Variants in TIAM2 observed in about 807,000 individuals in gnomAD.
The protein encoded by TIAM2 is rho guanine nucleotide exchange factor TIAM2.
A neutral mutation model predicts 152.9 loss-of-function variants in TIAM2; 80 were observed. The observed-to-expected ratio is 0.52, with a 90% CI of 0.44 to 0.63. The LOEUF is 0.63. Among genes scored for constraint, TIAM2 ranks in the 30% least tolerant of loss-of-function variants. TIAM2 has a pLI of 0.00. For missense variants in TIAM2, 1,965 were observed against 2,120.1 expected (o/e 0.93, Z 1.44); for synonymous variants, 804 against 838.0 (o/e 0.96, Z 0.70).
intron 6 of TIAM2, among the ~76,000 whole-genome samples, chr6:155,145,462 T>C (rs947312141): frequency 1.3e-5 from 2 of 152,130 alleles, no homozygotes; most frequent in African/African-American, 4.8e-5. Context: ...ACCAGTAGGA[T>C]AATAGTGGCT....
At position 155,131,900 on chromosome 6, in the gene TIAM2, C is replaced by T. The variant is rs117247853; in HGVS notation, c.1194+1483C>T. On this transcript the variant is annotated intron_variant, in intron 4 of 26. Coordinates refer to ENST00000682666, the MANE Select transcript of TIAM2 (RefSeq NM_012454.4). ...GGCCTATATGTGTAATCTTAACCTC[C>T]TCATGGAGATAGCTAATGGCATCCT... Among the ~76,000 whole-genome samples the T allele has an allele frequency of 2.0e-3, 297 of 152,112 alleles. 3 individuals are homozygous for T. In the East Asian group the frequency reaches 0.051, roughly 26 times the overall value.
chr6:155,146,213 C>A (rs186463818), intron 6 of TIAM2, among the ~76,000 whole-genome samples: 1 of 151,948 alleles, frequency 6.6e-6, no homozygotes, highest in Non-Finnish European at 1.5e-5. Flanking sequence ...CCCATCTCTA[C>A]GAAAGAACAA....
At chr6:155,058,888 A>G (rs1777507665) in intron 1 of TIAM2, among the ~76,000 whole-genome samples, 1 of 152,330 alleles carries the variant, frequency 6.6e-6, no homozygotes, top group Middle Eastern at 3.4e-3. Context: ...GATAAATGCT[A>G]TGATAGAAGC....
intron 23 of TIAM2, among the ~76,000 whole-genome samples, chr6:155,252,400 T>G (rs1783716314): frequency 6.6e-6 from 1 of 151,944 alleles, no homozygotes; most frequent in Non-Finnish European, 1.5e-5. Flanking sequence ...GCCCAGGAGG[T>G]GGAAGCTGCA....
intron 14 of TIAM2, among the ~76,000 whole-genome samples, chr6:155,195,623 T>C (rs1583242852): frequency 6.6e-6 from 1 of 151,538 alleles, no homozygotes; most frequent in African/African-American, 2.4e-5. Flanking sequence ...AGTTATATAA[T>C]GTATTCACAG....
chr6:155,042,874 C>A (rs574703735), intron 1 of TIAM2, among the ~76,000 whole-genome samples: 1 of 152,074 alleles, frequency 6.6e-6, no homozygotes, highest in South Asian at 2.1e-4. Flanking sequence ...TTACTCCTCC[C>A]GTCTAATTGG....
chr6:155,079,117 A>G (rs1778011423), intron 1 of TIAM2, among the ~76,000 whole-genome samples: 2 of 151,694 alleles, frequency 1.3e-5, no homozygotes, highest in South Asian at 4.2e-4. Context: ...GCTGGAGTGC[A>G]GTGGTGCGAT....
chr6:155,077,119 A>T (rs1330205437), intron 1 of TIAM2, among the ~76,000 whole-genome samples: 1 of 152,174 alleles, frequency 6.6e-6, no homozygotes, highest in Admixed American at 6.5e-5. Flanking sequence ...TGGGCTTGAA[A>T]AACAGGAAGC....
At chr6:155,096,631 T>G (rs1778424483) in intron 2 of TIAM2, among the ~76,000 whole-genome samples, 1 of 152,324 alleles carries the variant, frequency 6.6e-6, no homozygotes, top group Middle Eastern at 3.4e-3. Context: ...TGTGCTTGGC[T>G]TATTTCACTT....
chr6:155,231,978 G>A (rs1782496254), intron 15 of TIAM2, among the ~76,000 whole-genome samples: 1 of 152,236 alleles, frequency 6.6e-6, no homozygotes. Flanking sequence ...CTACGTGGGA[G>A]GCTGAGGCAG....
intron 14 of TIAM2, among the ~76,000 whole-genome samples, chr6:155,198,326 G>A (rs1355439788): frequency 6.6e-6 from 1 of 152,178 alleles, no homozygotes; most frequent in African/African-American, 2.4e-5. Flanking sequence ...AAAATAGCAG[G>A]CATTGAGTAA....
At chr6:155,176,231 G>A (rs144348056) in intron 9 of TIAM2, among the ~76,000 whole-genome samples, 11 of 152,072 alleles carry the variant, frequency 7.2e-5, no homozygotes, top group African/African-American at 2.4e-4. Context: ...CATGGATTGC[G>A]GTGTTCTTTT....
At chr6:155,065,169 G>T (rs2114944251) in intron 1 of TIAM2, among the ~76,000 whole-genome samples, 1 of 152,156 alleles carries the variant, frequency 6.6e-6, no homozygotes, top group Non-Finnish European at 1.5e-5. Flanking sequence ...GGCCAGGCTG[G>T]TCTCAAACTG....
At chr6:155,182,841 C>A (rs1583235031) in intron 13 of TIAM2, among the ~76,000 whole-genome samples, 1 of 152,198 alleles carries the variant, frequency 6.6e-6, no homozygotes, top group South Asian at 2.1e-4. Flanking sequence ...ACCGGGGAGA[C>A]AGAGGTTGCA....
At chr6:155,201,897 C>G (rs1781479332) in intron 14 of TIAM2, among the ~76,000 whole-genome samples, 1 of 152,204 alleles carries the variant, frequency 6.6e-6, no homozygotes, top group Non-Finnish European at 1.5e-5. Context: ...TGGAATGTGA[C>G]CTCAGGTTAA....
chr6:155,094,826 G>A lies in TIAM2; in HGVS notation c.-118+4447G>A, dbSNP rs113908729. Among the ~76,000 whole-genome samples, 858 of 150,528 alleles carry A rather than the reference G, an allele frequency of 5.7e-3. 7 individuals carry two copies. The highest frequency in any genetic ancestry group is 0.019 in the African/African-American group (795 of 40,984). Reference sequence around the variant, plus strand: ...TTGAATTCCTGAGCTCAAGTGATCCGCCCGCGTCAGCCTCCCAAAGTGCTG... The same window carrying A: ...TTGAATTCCTGAGCTCAAGTGATCCACCCGCGTCAGCCTCCCAAAGTGCTG... On this transcript the variant is annotated intron_variant, in intron 2 of 26. Coordinates refer to ENST00000682666, the MANE Select transcript of TIAM2 (RefSeq NM_012454.4).
At chr6:155,253,442 T>C (rs1408933795) in intron 24 of TIAM2, 1 of 183,490 alleles carries the variant, frequency 5.4e-6, no homozygotes, top group Non-Finnish European at 1.1e-5. Flanking sequence ...AAGAAAAAAA[T>C]CTTTGACTCT....
intron 24 of TIAM2, 142 bp from the exon 25 acceptor site, chr6:155,253,831 T>C (rs1193626207): frequency 1.1e-5 from 7 of 615,214 alleles, no homozygotes; most frequent in Middle Eastern, 2.6e-4. Flanking sequence ...AAATCATACA[T>C]AGAACAAGCC....
intron 1 of TIAM2, among the ~76,000 whole-genome samples, chr6:155,038,927 A>G (rs114079308): frequency 7.2e-6 from 1 of 138,526 alleles, no homozygotes; most frequent in African/African-American, 2.6e-5. Context: ...AGCCTGGGTG[A>G]CGGAGCGAGA....
Sources: gnomAD v4.1 joint callset for allele counts (sites outside exome capture counted in the v4.1 genomes callset) on GRCh38, gnomAD v4.1.1 for gene constraint, MANE v1.5 for transcripts, NCBI Gene and HGNC (gene_info 2026-07-23, HGNC 2026-07-21) for gene names.